Variants in PTPRD observed in about 807,000 individuals in gnomAD.
PTPRD encodes receptor-type tyrosine-protein phosphatase delta.
In PTPRD, 34 loss-of-function variants were observed where a neutral mutation model predicts 214.5. The observed-to-expected ratio is 0.16, with a 90% CI of 0.12 to 0.21. The LOEUF (loss-of-function observed/expected upper bound fraction) is 0.21, where lower values mean the gene tolerates loss of function less well. PTPRD is among the 10% of genes least tolerant of loss of function. The pLI is 1.00. For missense variants in PTPRD, 2,545 were observed against 2,398.7 expected, an observed-to-expected ratio of 1.06 and a Z score of -1.27; for synonymous variants, 1,128 against 845.7, an observed-to-expected ratio of 1.33 and a Z score of -5.79.
chr9:9,213,019 A>G (rs2099949808), intron 9 of PTPRD, among the ~76,000 whole-genome samples: 3 of 152,164 alleles, frequency 2.0e-5, no homozygotes, highest in Non-Finnish European at 4.4e-5. Flanking sequence ...TCAGGTTAAG[A>G]GTAAGATGGT....
chr9:10,060,776 TTTTCTTTCTTTCTTTCTTTCTTTCTTCC>T, intron 3 of PTPRD, among the ~76,000 whole-genome samples: 1 of 132,142 alleles, frequency 7.6e-6, no homozygotes, highest in Non-Finnish European at 1.5e-5. Flanking sequence ...CAGGTCTTGC[TTTTCTTTCTTTCTTTCTTTCTTTCTTCC>T]TTTCTTTCTT....
intron 12 of PTPRD, among the ~76,000 whole-genome samples, chr9:8,712,572 C>T (rs955981760): frequency 4.6e-5 from 7 of 152,048 alleles, no homozygotes; most frequent in African/African-American, 1.7e-4. Flanking sequence ...AAGCTAGAGA[C>T]AGAATGCACT....
chr9:9,492,798 G>T (rs1436930445), intron 8 of PTPRD, among the ~76,000 whole-genome samples: 1 of 150,458 alleles, frequency 6.6e-6, no homozygotes, highest in Non-Finnish European at 1.5e-5. Context: ...CCAAAAGCAC[G>T]TGCTCACTTT....
chr9:8,338,367 G>C (rs938744476), intron 43 of PTPRD, among the ~76,000 whole-genome samples: 12 of 152,056 alleles, frequency 7.9e-5, no homozygotes, highest in Non-Finnish European at 1.3e-4. Context: ...AAGGGTCATG[G>C]GAGCACAGCT....
intron 2 of PTPRD, among the ~76,000 whole-genome samples, chr9:10,499,614 T>G (rs1206416032): frequency 1.3e-5 from 2 of 151,896 alleles, no homozygotes; most frequent in African/African-American, 4.8e-5. Context: ...TAAATAGATA[T>G]GAACTTGTTT....
intron 2 of PTPRD, among the ~76,000 whole-genome samples, chr9:10,456,761 C>T (rs1427588050): frequency 4.0e-5 from 6 of 151,850 alleles, no homozygotes; most frequent in African/African-American, 1.2e-4. Flanking sequence ...CTATTTTATA[C>T]TTCCTTAATT....
intron 9 of PTPRD, among the ~76,000 whole-genome samples, chr9:9,331,658 A>T (rs957790466): frequency 2.6e-5 from 4 of 152,058 alleles, no homozygotes; most frequent in Non-Finnish European, 5.9e-5. Context: ...TACCAATAAC[A>T]ACGGCTATCT....
At chr9:10,153,289 T>C (rs2099073190) in intron 3 of PTPRD, among the ~76,000 whole-genome samples, 3 of 152,032 alleles carry the variant, frequency 2.0e-5, no homozygotes, top group African/African-American at 7.2e-5. Context: ...ACAATTTTTG[T>C]CATTAAAAAT....
chr9:8,548,376 T>G (rs996854845), intron 14 of PTPRD, among the ~76,000 whole-genome samples: 4 of 146,362 alleles, frequency 2.7e-5, no homozygotes, highest in African/African-American at 7.6e-5. Context: ...TGGAATTTTG[T>G]TTTTTTTTTG....
intron 3 of PTPRD, among the ~76,000 whole-genome samples, chr9:10,050,630 G>C (rs1480694064): frequency 1.4e-5 from 2 of 145,826 alleles, no homozygotes; most frequent in African/African-American, 5.2e-5. Context: ...CTTGATTTGG[G>C]GCAATAAAAC....
intron 9 of PTPRD, among the ~76,000 whole-genome samples, chr9:9,318,483 C>G (rs1196856727): frequency 2.6e-5 from 4 of 152,066 alleles, no homozygotes; most frequent in Admixed American, 1.3e-4. Flanking sequence ...TTCTCACCTC[C>G]AAGCTCCAGT....
intron 3 of PTPRD, among the ~76,000 whole-genome samples, chr9:10,211,635 A>G (rs1199570222): frequency 6.6e-6 from 1 of 152,294 alleles, no homozygotes; most frequent in East Asian, 1.9e-4. Flanking sequence ...GAAATTACAT[A>G]ATGTCTTTTG....
chr9:8,370,505 A>G (rs1162888382), intron 39 of PTPRD, among the ~76,000 whole-genome samples: 19 of 152,140 alleles, frequency 1.2e-4, no homozygotes, highest in Non-Finnish European at 1.5e-5. Context: ...ATGACTGCTC[A>G]GTAATACTTG....
intron 5 of PTPRD, among the ~76,000 whole-genome samples, chr9:9,829,098 T>C: frequency 6.6e-6 from 1 of 152,002 alleles, no homozygotes; most frequent in South Asian, 2.1e-4. Flanking sequence ...TATTTTACAT[T>C]TATCTATGAC....
rs566872881 is a variant in PTPRD, at chr9:8,763,557, A to G, written c.-103-29611T>C. ...TTATGTATTAATATAACATATATAC[A>G]TTATATATAACATATATAGTATAAC... On this transcript the variant is annotated intron_variant, in intron 11 of 45. Coordinates refer to ENST00000381196, the MANE Select transcript of PTPRD (RefSeq NM_002839.4). Among the ~76,000 whole-genome samples the G allele has an allele frequency of 6.6e-5, 10 of 151,554 alleles. No individual in the cohort carries two copies. The South Asian group carries it at 2.1e-3, about 31-fold the overall frequency.
intron 10 of PTPRD, among the ~76,000 whole-genome samples, chr9:9,178,933 T>C (rs1490565233): frequency 6.6e-6 from 1 of 152,088 alleles, no homozygotes; most frequent in Non-Finnish European, 1.5e-5. Context: ...AAATTAATAC[T>C]GTAATCAAAG....
chr9:8,706,739 T>C (rs148728177), intron 12 of PTPRD, among the ~76,000 whole-genome samples: 5 of 152,306 alleles, frequency 3.3e-5, no homozygotes, highest in South Asian at 2.1e-4. Flanking sequence ...TGAAAGCTAA[T>C]TGCCAAGAGT....
At chr9:9,699,827 G>A (rs2154411124) in intron 7 of PTPRD, among the ~76,000 whole-genome samples, 1 of 152,252 alleles carries the variant, frequency 6.6e-6, no homozygotes, top group African/African-American at 2.4e-5. Flanking sequence ...AGTCTGTCTA[G>A]AAAAGCAACA....
chr9:10,117,633 T>C (rs1417545073), intron 3 of PTPRD, among the ~76,000 whole-genome samples: 3 of 150,378 alleles, frequency 2.0e-5, no homozygotes, highest in Non-Finnish European at 4.4e-5. Context: ...TTTCTTATAA[T>C]AATAGCAGTC....
Sources: allele counts gnomAD v4.1 joint callset (sites outside exome capture counted in the v4.1 genomes callset), GRCh38; gene constraint gnomAD v4.1.1; transcripts MANE v1.5; gene names NCBI Gene and HGNC (gene_info 2026-07-23, HGNC 2026-07-21).